Variants in CITED1 observed in about 807,000 individuals in gnomAD.
CITED1 encodes cbp/p300-interacting transactivator 1.
In CITED1, 3 loss-of-function variants were observed where a neutral mutation model predicts 8.5. That is an observed-to-expected ratio of 0.35 (90% CI 0.16 to 0.91). CITED1 has a LOEUF of 0.91. CITED1 is among the 40% of genes least tolerant of loss of function. The pLI is 0.46. For synonymous variants in CITED1, 54 were observed against 67.4 expected (o/e 0.80, Z 0.97); for missense variants, 113 against 154.8 (o/e 0.73, Z 1.43).
chrX:72,302,355 G>A, intron 2 of CITED1, 111 bp from the exon 3 acceptor site: 1 of 916,230 alleles, frequency 1.1e-6, no homozygotes, highest in Non-Finnish European at 1.5e-6. Context: ...TAGAGGTGGA[G>A]AGGTAGCAAG....
At chrX:72,304,051 TAAA>T in intron 1 of CITED1, 1 of 393,946 alleles carries the variant, frequency 2.5e-6, no homozygotes, top group Middle Eastern at 1.5e-3. Context: ...CCTATCTCTT[TAAA>T]AAAAAAAAGC....
In CITED1 at chrX:72,302,134, G is replaced by A; in HGVS notation, c.171C>T (p.Ala57=). 1 of 1,192,550 alleles carries A rather than the reference G, an allele frequency of 8.4e-7. No homozygotes were observed. The highest frequency in any genetic ancestry group is 1.7e-5 in the African/African-American group (1 of 57,537). ...YPGVASNGTK[A]SGAPTSSSGS... is the part of the protein sequence containing the mutation. ...CCGAGGAACTAGTGGGAGCCCCACT[G>A]GCCTTGGTTCCATTTGAGGCTACCC... Residue 57 remains alanine (A), a synonymous_variant, in exon 3 of 3, where the codon GCC becomes GCT. Transcript: ENST00000651998.
intron 1 of CITED1, 73 bp from the exon 2 acceptor site, chrX:72,303,007 G>A: frequency 9.0e-7 from 1 of 1,114,099 alleles, no homozygotes; most frequent in Non-Finnish European, 1.2e-6. Flanking sequence ...AAAGCCCAAA[G>A]CAGGGCAATG....
upstream of CITED1, chrX:72,306,447 C>G (rs983984044): frequency 8.9e-6 from 1 of 112,130 alleles, no homozygotes; most frequent in African/African-American, 3.2e-5. Context: ...CGCCGCCCAG[C>G]CCGGCGCCCA....
intron 1 of CITED1, chrX:72,305,210 G>T: frequency 1.2e-6 from 1 of 850,498 alleles, no homozygotes; most frequent in Non-Finnish European, 1.7e-6. Flanking sequence ...CCTAGACAGG[G>T]GTGGGAAGGG....
chrX:72,302,095 G>A lies in CITED1; in HGVS notation c.210C>T (p.Gly70=). 2.5e-6 allele frequency: 3 copies of A among 1,188,556 alleles called. No homozygotes were observed. The highest frequency in any genetic ancestry group is 3.4e-6 in the Non-Finnish European group (3 of 883,319). Residue 70 remains glycine (G), a synonymous_variant, in exon 3 of 3, where the codon GGC becomes GGT. Transcript: ENST00000651998. The part of the protein sequence containing the change: ...APTSSSGSPI[G]SPTTTPPTKP... ...TAGTGGGAGGGGTGGTTGTAGGAGA[G>A]CCTATTGGAGATCCCGAGGAACTAG...
chrX:72,305,022 C>A (rs150109318), intron 1 of CITED1, among the ~76,000 whole-genome samples: 2,950 of 113,203 alleles, frequency 0.026, 91 homozygotes, highest in African/African-American at 0.091. Flanking sequence ...AACGTCCCAG[C>A]CCGCTCTCCA....
At chrX:72,302,982 C>A (rs2043304025) in intron 1 of CITED1, 48 bp from the exon 2 acceptor site, 2 of 1,180,206 alleles carry the variant, frequency 1.7e-6, no homozygotes, top group African/African-American at 1.8e-5. Flanking sequence ...CTTCACTGAC[C>A]AACAAAGCAC....
intron 2 of CITED1, 128 bp downstream of exon 2, chrX:72,302,682 C>T (rs2043300656): frequency 6.8e-6 from 4 of 588,428 alleles, no homozygotes; most frequent in Non-Finnish European, 7.9e-6. Context: ...TGTTCTCATT[C>T]TCCCCAGAGA....
Position 72,301,720 on chromosome X carries a change from G to T in CITED1, c.*3C>A. 3.3e-6 allele frequency: 4 copies of T among 1,209,189 alleles called. No homozygotes were observed. Among genetic ancestry groups the T allele is most frequent in the Non-Finnish European group, 4.5e-6 (4 of 893,480 alleles). On this transcript the variant is annotated 3_prime_UTR_variant, in exon 3 of 3. Coordinates refer to ENST00000651998, the MANE Select transcript of CITED1 (RefSeq NM_001144887.2). ...ATTCCTCCATCTTTAGGGACACTTG[G>T]CATTAGCAGCTAGATGGAAAGTCCG... is the stretch of plus-strand genomic sequence containing the variant.
At chrX:72,304,764 C>G (rs1444269810) in intron 1 of CITED1, among the ~76,000 whole-genome samples, 2 of 112,021 alleles carry the variant, frequency 1.8e-5, no homozygotes, top group Non-Finnish European at 3.8e-5. Flanking sequence ...CCGCGCCTCC[C>G]TCTTCAATCT....
At position 72,302,834 on chromosome X, in the gene CITED1, C is replaced by T. The variant is rs1484520036; in HGVS notation, c.36G>A (p.Lys12=). Residue 12 remains lysine, a synonymous_variant, in exon 2 of 3, where the codon AAG becomes AAA. Coordinates refer to ENST00000651998, the MANE Select transcript of CITED1 (RefSeq NM_001144887.2). ...CCTCCTTCGCAGGTGAGGTGCCACC[C>T]TTGACATCAAGTGCAGGCCTCGACG... ...PTTSRPALDV[K]GGTSPAKEDA... 12 of 1,209,473 alleles carry T rather than the reference C, an allele frequency of 9.9e-6. No homozygotes were observed. The highest frequency in any genetic ancestry group is 2.2e-5 in the Admixed American group (1 of 45,873).
chrX:72,303,594 C>G (rs956684896), intron 1 of CITED1, among the ~76,000 whole-genome samples: 2 of 111,725 alleles, frequency 1.8e-5, no homozygotes, highest in African/African-American at 6.5e-5. Flanking sequence ...CAGCATTGGG[C>G]TTTCCTAGGA....
intron 2 of CITED1, 40 bp from the exon 3 acceptor site, chrX:72,302,284 C>T (rs2043297184): frequency 1.7e-6 from 2 of 1,166,145 alleles, no homozygotes; most frequent in Non-Finnish European, 2.3e-6. Context: ...AACCCTGCTC[C>T]TGGCTTGTCC....
intron 2 of CITED1, 24 bp downstream of exon 2, chrX:72,302,786 C>T (rs745859415): frequency 8.4e-7 from 1 of 1,189,111 alleles, no homozygotes; most frequent in Admixed American, 2.3e-5. Context: ...TTCCCTGCCT[C>T]ATCTGTAAAA....
In CITED1 at chrX:72,302,910, G is replaced by A. The variant is rs763590460; in HGVS notation, c.-41C>T. 12 of 1,210,100 alleles carry A rather than the reference G, an allele frequency of 9.9e-6. 1 individual carries two copies. In the South Asian group the frequency reaches 1.1e-4, roughly 11 times the overall value. ...GAAGTTGGATAAATTGGCGGGAAGT[G>A]ATGCTGCCAGCTGGAGCTGTTGTGC... On this transcript the variant is annotated 5_prime_UTR_variant, in exon 2 of 3. Transcript: ENST00000651998.
At chrX:72,305,292 T>C in intron 1 of CITED1, 2 of 1,166,542 alleles carry the variant, frequency 1.7e-6, no homozygotes, top group Non-Finnish European at 1.1e-6. Flanking sequence ...AAAGTTAAAA[T>C]GGCACCAACC....
At chrX:72,304,051 T>A (rs769715350) in intron 1 of CITED1, 563 of 387,633 alleles carry the variant, frequency 1.5e-3, no homozygotes, top group Non-Finnish European at 1.6e-3. Context: ...CCTATCTCTT[T>A]AAAAAAAAAA....
Position 72,301,727 on chromosome X carries a change from C to A in CITED1, c.578G>T (p.Cys193Phe). The change falls in exon 3 of 3, where the codon TGC becomes TTC. Residue 193 changes from cysteine (C) to phenylalanine (F), a missense_variant. Coordinates refer to ENST00000651998, the MANE Select transcript of CITED1 (RefSeq NM_001144887.2). ...CATCTTTAGGGACACTTGGCATTAG[C>A]AGCTAGATGGAAAGTCCGCAGTGAA... ...FDFTADFPSS[C>F] is the part of the protein sequence containing the mutation. The A allele has an allele frequency of 8.3e-7, 1 of 1,209,618 alleles. No homozygotes were observed. The highest frequency in any genetic ancestry group is 1.1e-6 in the Non-Finnish European group (1 of 893,723).
Sources: allele counts gnomAD v4.1 joint callset (sites outside exome capture counted in the v4.1 genomes callset), GRCh38; gene constraint gnomAD v4.1.1; transcripts MANE v1.5; gene names NCBI Gene and HGNC (gene_info 2026-07-23, HGNC 2026-07-21).